The following RBFOX1 variants were observed in gnomAD, a reference collection of about 807,000 sequenced individuals.
RBFOX1 encodes the protein RNA binding protein fox-1 homolog 1.
In RBFOX1, 8 loss-of-function variants were observed where a neutral mutation model predicts 57.7. The observed-to-expected ratio is 0.14, with a 90% CI of 0.08 to 0.25. The LOEUF (loss-of-function observed/expected upper bound fraction) is 0.25, where lower values mean the gene tolerates loss of function less well. Ranked by LOEUF, RBFOX1 falls within the 10% of genes least tolerant of loss-of-function variation. The pLI, the probability that RBFOX1 is intolerant of heterozygous loss-of-function variation, is 1.00. For synonymous variants in RBFOX1, 326 were observed against 222.4 expected, an observed-to-expected ratio of 1.47 and a Z score of -4.15; for missense variants, 611 against 548.5, an observed-to-expected ratio of 1.11 and a Z score of -1.14.
intron 11 of RBFOX1, among the ~76,000 whole-genome samples, chr16:7,645,552 A>G (rs1032652998): frequency 3.9e-5 from 6 of 152,254 alleles, no homozygotes; most frequent in Non-Finnish European, 5.9e-5. Flanking sequence ...TATTAAAGAA[A>G]CAAATGAGCA....
rs147890940 is a variant in RBFOX1 at position 6,773,364 on chromosome 16, T to TTG, written c.-16+118729_-16+118730dup. 2.2e-3 allele frequency among the ~76,000 whole-genome samples: 286 copies of TTG among 129,792 alleles called. 2 individuals are homozygous for TTG. In the Middle Eastern group the frequency reaches 0.023, roughly 11 times the overall value. The allele number at this position is 129,792 out of a possible 152,430, so 85.1% of individuals were successfully genotyped here. On this transcript the variant is annotated intron_variant, in intron 3 of 15. Transcript: ENST00000550418. ...GTGTATGTGTGGATATGGGGTGCAT[T>TTG]TGTGTGTGTGTGTGTGGGCGTGGGG...
chr16:7,112,085 A>G (rs2064896672), intron 4 of RBFOX1, among the ~76,000 whole-genome samples: 1 of 152,200 alleles, frequency 6.6e-6, no homozygotes, highest in Admixed American at 6.5e-5. Flanking sequence ...ATTTCATTAG[A>G]AACAAAAATA....
intron 3 of RBFOX1, among the ~76,000 whole-genome samples, chr16:5,642,360 T>C (rs139006732): frequency 2.0e-5 from 3 of 152,346 alleles, no homozygotes; most frequent in Non-Finnish European, 4.4e-5. Context: ...ATCAAAATCC[T>C]TAATTCCAGA....
chr16:7,598,156 C>T (rs762868820), intron 9 of RBFOX1, among the ~76,000 whole-genome samples: 3 of 152,070 alleles, frequency 2.0e-5, no homozygotes, highest in Non-Finnish European at 2.9e-5. Context: ...AAGAAACCTG[C>T]CACTGTGTTA....
Position 6,097,783 on chromosome 16 carries a change from C to G in RBFOX1, c.-127+77791C>G, listed in dbSNP as rs1215075111. Among the ~76,000 whole-genome samples, 2 of 151,646 alleles carry G rather than the reference C, an allele frequency of 1.3e-5. No homozygotes were observed. Among genetic ancestry groups the G allele is most frequent in the Non-Finnish European group, 2.9e-5 (2 of 67,956 alleles). ...CTTCTTTTTTTTTTTTTCTTACCAC[C>G]CTCCAAAATTCTTATTTATTTATTT... On this transcript the variant is annotated intron_variant, in intron 1 of 15. Transcript: ENST00000550418. The surrounding 1 kb of genome is among the most constrained non-coding windows in gnomAD (Gnocchi z 5.0).
chr16:7,247,617 C>A (rs2094353151), intron 4 of RBFOX1, among the ~76,000 whole-genome samples: 1 of 152,178 alleles, frequency 6.6e-6, no homozygotes, highest in African/African-American at 2.4e-5. Flanking sequence ...GAATGTATAT[C>A]CTGATTCAGG....
At chr16:6,705,740 T>C (rs1219871507) in intron 3 of RBFOX1, among the ~76,000 whole-genome samples, 1 of 152,158 alleles carries the variant, frequency 6.6e-6, no homozygotes, top group East Asian at 1.9e-4. Context: ...AATTAGGGCC[T>C]GGCATGGTGG....
chr16:6,184,813 C>T (rs144792797), intron 1 of RBFOX1, among the ~76,000 whole-genome samples: 1,646 of 152,140 alleles, frequency 0.011, 48 homozygotes, highest in African/African-American at 0.038. Flanking sequence ...GTGATCCACC[C>T]GCCTCAGCCT....
chr16:6,972,477 C>G (rs539130075), intron 3 of RBFOX1, among the ~76,000 whole-genome samples: 130 of 152,222 alleles, frequency 8.5e-4, no homozygotes, highest in African/African-American at 3.1e-3. Flanking sequence ...TTGTATTTAT[C>G]CATTCATCTG....
At chr16:5,470,558 GAAT>G (rs1413405290) in intron 2 of RBFOX1, among the ~76,000 whole-genome samples, 2 of 152,138 alleles carry the variant, frequency 1.3e-5, no homozygotes. Flanking sequence ...CAACTTGACA[GAAT>G]AATAACAATT....
chr16:5,698,349 CT>C lies in RBFOX1; in HGVS notation c.318+99392del, dbSNP rs74764345. On this transcript the variant is annotated intron_variant, in intron 3 of 19. Coordinates refer to the RBFOX1 transcript ENST00000641259. ...GGTAAAATTTACCTGTAATTTTTTG[CT>C]TTTGGGGTGTGTATATTAGATAGAC... Among the ~76,000 whole-genome samples, 227 of 151,904 alleles carry C rather than the reference CT, an allele frequency of 1.5e-3. 3 individuals are homozygous for C. The highest frequency in any genetic ancestry group is 0.013 in the East Asian group (66 of 5,172).
At chr16:6,114,081 G>C (rs555383029) in intron 1 of RBFOX1, among the ~76,000 whole-genome samples, 1 of 152,286 alleles carries the variant, frequency 6.6e-6, no homozygotes, top group East Asian at 1.9e-4. Context: ...AGATAGGTAT[G>C]TTCTCATTAT....
At chr16:6,881,279 G>C (rs1001104487) in intron 3 of RBFOX1, among the ~76,000 whole-genome samples, 1 of 152,204 alleles carries the variant, frequency 6.6e-6, no homozygotes, top group Non-Finnish European at 1.5e-5. Context: ...GAGAGCAAAG[G>C]AAGGGGTAAA....
intron 1 of RBFOX1, among the ~76,000 whole-genome samples, chr16:5,393,208 G>A (rs1162889864): frequency 6.6e-6 from 1 of 152,086 alleles, no homozygotes; most frequent in African/African-American, 2.4e-5. Flanking sequence ...CTGGGCTGTG[G>A]CTGTTCTGAG....
intron 3 of RBFOX1, among the ~76,000 whole-genome samples, chr16:5,730,882 T>A (rs1943249878): frequency 6.6e-6 from 1 of 152,050 alleles, no homozygotes; most frequent in Non-Finnish European, 1.5e-5. Flanking sequence ...ACCACTATTA[T>A]CATTGCCACT....
rs1015607122 is a variant in RBFOX1 at position 5,946,057 on chromosome 16, G to T, written c.351+78722G>T. Among the ~76,000 whole-genome samples the T allele has an allele frequency of 6.6e-6, 1 of 152,212 alleles. No individual in the cohort carries two copies. The highest frequency in any genetic ancestry group is 1.5e-5 in the Non-Finnish European group (1 of 68,044). On this transcript the variant is annotated intron_variant, in intron 4 of 19. Transcript: ENST00000641259. This position sits in a 1 kb window ranked among gnomAD's most constrained non-coding sequence, Gnocchi z 4.6. The stretch of plus-strand genomic sequence containing the variant: ...AGTCTGCTTTGTTTGCTAGTAAAGT[G>T]AGGGGGAGACAGGGTTTTAATTAGT...
chr16:7,329,975 G>T (rs1349631601), intron 4 of RBFOX1, among the ~76,000 whole-genome samples: 1 of 152,152 alleles, frequency 6.6e-6, no homozygotes, highest in African/African-American at 2.4e-5. Flanking sequence ...TATGTTCTGA[G>T]AAACTGGTCA....
intron 3 of RBFOX1, among the ~76,000 whole-genome samples, chr16:7,034,826 A>AATTTTTTTTTTT: frequency 3.3e-5 from 1 of 30,728 alleles, no homozygotes; most frequent in South Asian, 1.8e-3. Context: ...ATATTGCATT[A>AATTTTTTTTTTT]CTTTTTTTTT....
At chr16:7,162,430 T>C (rs1351231018) in intron 4 of RBFOX1, among the ~76,000 whole-genome samples, 3 of 152,010 alleles carry the variant, frequency 2.0e-5, no homozygotes, top group Non-Finnish European at 2.9e-5. Context: ...GTTCTAAAAA[T>C]GATAAAAGAA....
Sources: gnomAD v4.1 joint callset for allele counts (sites outside exome capture counted in the v4.1 genomes callset) on GRCh38, gnomAD v4.1.1 for gene constraint, Gnocchi (gnomAD v3.1) non-coding constraint, MANE v1.5 for transcripts, NCBI Gene and HGNC (gene_info 2026-07-23, HGNC 2026-07-21) for gene names.